TTC28: variants seen among roughly 807,000 people sequenced by gnomAD.
TTC28 encodes the protein tetratricopeptide repeat domain 28, also known as tetratricopeptide repeat protein 28.
Under a neutral mutation model 198.0 loss-of-function variants are expected in TTC28, and 61 were observed. The ratio of observed to expected loss-of-function variants is 0.31; its 90% CI spans 0.25 to 0.38. The LOEUF is 0.38. Ranked by LOEUF, TTC28 falls within the 10% of genes least tolerant of loss-of-function variation. TTC28 has a pLI of 1.00. For synonymous variants in TTC28, 1,171 were observed against 1,297.8 expected (o/e 0.90, Z 2.10); for missense variants, 2,678 against 3,164.0 (o/e 0.85, Z 3.69).
At chr22:28,467,536 T>C (rs2146291963) in intron 2 of TTC28, among the ~76,000 whole-genome samples, 1 of 152,334 alleles carries the variant, frequency 6.6e-6, no homozygotes, top group East Asian at 1.9e-4. Flanking sequence ...GAGGCAGCTG[T>C]AGTAGCAATT....
chr22:28,571,870 C>G (rs2050065189), intron 2 of TTC28, among the ~76,000 whole-genome samples: 1 of 151,522 alleles, frequency 6.6e-6, no homozygotes, highest in Non-Finnish European at 1.5e-5. Flanking sequence ...ATAGCTTGAA[C>G]CCGGGAGGCA....
intron 2 of TTC28, among the ~76,000 whole-genome samples, chr22:28,323,132 C>T (rs755564221): frequency 9.2e-5 from 14 of 152,140 alleles, no homozygotes; most frequent in South Asian, 4.1e-4. Flanking sequence ...CAGCCTACCA[C>T]GCTGGGCAAT....
chr22:28,542,405 GAAAAATTCT>G (rs1052512965), intron 2 of TTC28, among the ~76,000 whole-genome samples: 6 of 152,074 alleles, frequency 3.9e-5, no homozygotes, highest in Non-Finnish European at 7.4e-5. Context: ...AGTAATGGCA[GAAAAATTCT>G]AAATTTGATA....
intron 5 of TTC28, among the ~76,000 whole-genome samples, chr22:28,217,791 T>A (rs1268240667): frequency 6.6e-6 from 1 of 152,222 alleles, no homozygotes; most frequent in Non-Finnish European, 1.5e-5. Context: ...GACATTAGAA[T>A]TTTTGAATAT....
intron 13 of TTC28, 55 bp downstream of exon 13, chr22:28,030,171 T>C: frequency 1.3e-6 from 2 of 1,541,442 alleles, no homozygotes; most frequent in Non-Finnish European, 1.8e-6. Flanking sequence ...GCATATTATC[T>C]GTGCTCAGAG....
At chr22:28,468,690 A>ATTTTTTTTTTT (rs35984422) in intron 2 of TTC28, among the ~76,000 whole-genome samples, 323 of 121,988 alleles carry the variant, frequency 2.6e-3, no homozygotes, top group Non-Finnish European at 3.9e-3. Flanking sequence ...CGCCCGGCTA[A>ATTTTTTTTTTT]TTTTTTTTTT....
chr22:28,084,101 CA>C (rs1469501954), intron 12 of TTC28, among the ~76,000 whole-genome samples: 1 of 152,204 alleles, frequency 6.6e-6, no homozygotes, highest in African/African-American at 2.4e-5. Context: ...CACAGACAAA[CA>C]AAAGACAGCA....
chr22:28,461,264 A>G (rs574108884), intron 2 of TTC28, among the ~76,000 whole-genome samples: 1 of 152,328 alleles, frequency 6.6e-6, no homozygotes, highest in Admixed American at 6.5e-5. Context: ...TGTTGAATGA[A>G]TAACTATTGA....
At chr22:28,279,869 T>A (rs531090900) in intron 5 of TTC28, among the ~76,000 whole-genome samples, 5 of 152,368 alleles carry the variant, frequency 3.3e-5, no homozygotes, top group Admixed American at 2.6e-4. Context: ...TTCTTATTAA[T>A]GGAATTATAA....
intron 2 of TTC28, among the ~76,000 whole-genome samples, chr22:28,465,087 G>C (rs956355722): frequency 6.6e-6 from 1 of 152,120 alleles, no homozygotes; most frequent in African/African-American, 2.4e-5. Flanking sequence ...AAACATCATA[G>C]ATTTACATTT....
At chr22:28,539,828 C>T (rs1388568354) in intron 2 of TTC28, among the ~76,000 whole-genome samples, 2 of 151,842 alleles carry the variant, frequency 1.3e-5, no homozygotes, top group Non-Finnish European at 2.9e-5. Context: ...TATAAAGAAA[C>T]ACCCGAGACT....
intron 2 of TTC28, among the ~76,000 whole-genome samples, chr22:28,522,610 T>C (rs2048930703): frequency 6.6e-6 from 1 of 151,822 alleles, no homozygotes; most frequent in Non-Finnish European, 1.5e-5. Flanking sequence ...ACTCAATAGA[T>C]GGGTTTAACA....
At chr22:28,221,149 G>T (rs1007402128) in intron 5 of TTC28, among the ~76,000 whole-genome samples, 4 of 152,140 alleles carry the variant, frequency 2.6e-5, no homozygotes, top group Non-Finnish European at 5.9e-5. Flanking sequence ...ATGGAAAGAA[G>T]AATACGGGCC....
intron 2 of TTC28, among the ~76,000 whole-genome samples, chr22:28,408,283 T>C (rs1318200353): frequency 1.3e-5 from 2 of 152,222 alleles, no homozygotes; most frequent in Non-Finnish European, 2.9e-5. Flanking sequence ...GATTGAACCA[T>C]GTGTCTTCTA....
intron 2 of TTC28, among the ~76,000 whole-genome samples, chr22:28,341,777 G>C (rs2145908341): frequency 6.6e-6 from 1 of 151,532 alleles, no homozygotes; most frequent in South Asian, 2.1e-4. Flanking sequence ...GTGACAGAGT[G>C]AATGTGACTC....
chr22:28,475,438 C>G (rs182786304), intron 2 of TTC28, among the ~76,000 whole-genome samples: 2 of 152,062 alleles, frequency 1.3e-5, no homozygotes, highest in Non-Finnish European at 2.9e-5. Flanking sequence ...AAACCCACAC[C>G]GACATGGGGA....
intron 1 of TTC28, among the ~76,000 whole-genome samples, chr22:28,660,802 G>A (rs1256244494): frequency 6.7e-6 from 1 of 150,136 alleles, no homozygotes; most frequent in South Asian, 2.1e-4. Context: ...GGGATTACAG[G>A]CATGAGCCAC....
intron 2 of TTC28, among the ~76,000 whole-genome samples, chr22:28,407,721 T>C (rs2047020168): frequency 6.6e-6 from 1 of 152,230 alleles, no homozygotes; most frequent in Non-Finnish European, 1.5e-5. Flanking sequence ...TTATGGGCTT[T>C]GTGACTTGCG....
chr22:28,587,623 T>G (rs1308423494), intron 2 of TTC28, among the ~76,000 whole-genome samples: 1 of 151,862 alleles, frequency 6.6e-6, no homozygotes, highest in Non-Finnish European at 1.5e-5. Context: ...ATTTTTCTAT[T>G]TTTAATAGAG....
Sources: gnomAD v4.1 joint callset for allele counts (sites outside exome capture counted in the v4.1 genomes callset) on GRCh38, gnomAD v4.1.1 for gene constraint, MANE v1.5 for transcripts, NCBI Gene and HGNC (gene_info 2026-07-23, HGNC 2026-07-21) for gene names.